EFEMP2: variants seen among roughly 807,000 people sequenced by gnomAD.
EFEMP2 encodes EGF-containing fibulin-like extracellular matrix protein 2.
In EFEMP2, 21 loss-of-function variants were observed where a neutral mutation model predicts 55.3. That is an observed-to-expected ratio of 0.38 (90% CI 0.27 to 0.55). The LOEUF (loss-of-function observed/expected upper bound fraction) is 0.55. Ranked by LOEUF, EFEMP2 falls within the 20% of genes least tolerant of loss-of-function variation. EFEMP2 has a pLI of 0.77. For missense variants in EFEMP2, 513 were observed against 615.1 expected (o/e 0.83, Z 1.76); for synonymous variants, 275 against 242.3 (o/e 1.14, Z -1.25).
intron 2 of EFEMP2, 21 bp downstream of exon 2, chr11:65,872,223 A>C: frequency 6.5e-7 from 1 of 1,546,034 alleles, no homozygotes; most frequent in Non-Finnish European, 8.8e-7. Context: ...GTCCCAGGCC[A>C]GCGGCCCTCA....
rs1306807998 is a variant in EFEMP2 at position 65,870,581 on chromosome 11, A to G, written c.445T>C (p.Cys149Arg). ...DCHNLPGSYQ[C>R]TCPDGYRKIG... The stretch of plus-strand genomic sequence containing the variant: ...TTGCGGTAACCATCAGGGCAGGTGC[A>G]CTGATAGGAGCCAGGCAAGTTATGG... Residue 149 changes from cysteine (C) to arginine (R), a missense_variant, in exon 5 of 11, where the codon TGC becomes CGC. Cys to Arg is a radical substitution (Grantham distance 180). Transcript: ENST00000307998. 6.2e-7 allele frequency: 1 copy of G among 1,614,096 alleles called. No individual in the cohort carries two copies. The highest frequency in any genetic ancestry group is 8.5e-7 in the Non-Finnish European group (1 of 1,179,982).
chr11:65,867,660 T>A lies in EFEMP2; in HGVS notation c.1170+201A>T, dbSNP rs1859878446. 1.1e-5 allele frequency: 7 copies of A among 642,260 alleles called. No homozygotes were observed. In the South Asian group the frequency reaches 1.2e-4, roughly 11 times the overall value. The allele number at this position is 642,260 out of a possible 1,614,324, so 39.8% of individuals were successfully genotyped here. A position where few individuals can be genotyped will look rare whatever the true frequency, so the allele number is the denominator to read the frequency against. ...ACCAGTACCAGGACTCAAACTCCCG[T>A]GTCCGAGTGCTTCGTTAGAATTGCA... On this transcript the variant is annotated intron_variant, in intron 10 of 10. Coordinates refer to ENST00000307998, the MANE Select transcript of EFEMP2 (RefSeq NM_016938.5).
chr11:65,869,605 T>A lies in EFEMP2; in HGVS notation c.727+252A>T, dbSNP rs570387. Reference sequence around the variant, plus strand: ...CAGGTAAATGCAGGTGAGCCTGATATGTGGGACAGGTGGCACCCACATCCT... The same window carrying A: ...CAGGTAAATGCAGGTGAGCCTGATAAGTGGGACAGGTGGCACCCACATCCT... On this transcript the variant is annotated intron_variant, in intron 7 of 10. Coordinates refer to ENST00000307998, the MANE Select transcript of EFEMP2 (RefSeq NM_016938.5). 8.0e-5 allele frequency: 44 copies of A among 546,712 alleles called. No individual in the cohort carries two copies. The East Asian group carries it at 1.2e-3, about 15-fold the overall frequency. 33.9% of individuals were successfully genotyped at this position (546,712 alleles called of 1,614,324 possible). A position where few individuals can be genotyped will look rare whatever the true frequency, so the allele number is the denominator to read the frequency against.
At chr11:65,868,464 C>T (rs1859903876) in intron 8 of EFEMP2, 43 bp from the exon 9 acceptor site, 2 of 1,613,690 alleles carry the variant, frequency 1.2e-6, no homozygotes, top group Non-Finnish European at 1.7e-6. Flanking sequence ...CGTCAGGCTG[C>T]CAGCTCCTGA....
chr11:65,866,728 C>A lies in EFEMP2; in HGVS notation c.*190G>T, dbSNP rs951322003. 5.3e-6 allele frequency: 4 copies of A among 757,520 alleles called. No homozygotes were observed. The highest frequency in any genetic ancestry group is 2.9e-5 in the South Asian group (2 of 68,674). The allele number at this position is 757,520 out of a possible 1,614,324, so 46.9% of individuals were successfully genotyped here. On this transcript the variant is annotated 3_prime_UTR_variant, in exon 11 of 11. Coordinates refer to ENST00000307998, the MANE Select transcript of EFEMP2 (RefSeq NM_016938.5). ...GCCCCTGGGCCTGAACATATAGAGA[C>A]CCCCATTTAGGTGAACTTGGCCTGC...
Position 65,868,356 on chromosome 11 carries a change from C to T in EFEMP2, c.913G>A (p.Gly305Arg). ...SEAQTCVNFH[G>R]GYRCVDTNRC... ...TTGGTGTCCACGCAGCGGTAGCCCCCATGGAAGTTGACACAGGTTTGGGCC... is the reference window on the plus strand; with the variant it reads ...TTGGTGTCCACGCAGCGGTAGCCCCTATGGAAGTTGACACAGGTTTGGGCC... The change falls in exon 9 of 11, where the codon GGG (glycine) becomes AGG (arginine). Residue 305 changes from glycine to arginine, a missense_variant. Transcript: ENST00000307998. 1 of 1,613,888 alleles carries T rather than the reference C, an allele frequency of 6.2e-7. No homozygotes were observed. Among genetic ancestry groups the T allele is most frequent in the Non-Finnish European group, 8.5e-7 (1 of 1,180,022 alleles).
chr11:65,868,648 G>A lies in EFEMP2; in HGVS notation c.728-19C>T, dbSNP rs1285918668. The A allele has an allele frequency of 2.5e-6, 4 of 1,613,536 alleles. No homozygotes were observed. The highest frequency in any genetic ancestry group is 2.5e-6 in the Non-Finnish European group (3 of 1,180,026). The stretch of plus-strand genomic sequence containing the variant: ...TCAATATCTGAGGAAGCATGGGGAT[G>A]GGGACCCCGGGTCAAGGGCATTCCT... On this transcript the variant is annotated intron_variant, in intron 7 of 10. Transcript: ENST00000307998.
chr11:65,869,163 T>G, intron 7 of EFEMP2: 1 of 217,848 alleles, frequency 4.6e-6, no homozygotes, highest in African/African-American at 2.3e-5. Context: ...TTACAGGGTG[T>G]AAGAAGTCTG....
chr11:65,870,494 G>A lies in EFEMP2; in HGVS notation c.490+42C>T, dbSNP rs200069197. On this transcript the variant is annotated intron_variant, in intron 5 of 10. Coordinates refer to ENST00000307998, the MANE Select transcript of EFEMP2 (RefSeq NM_016938.5). ...GGTGCTAGGGCAAGGGCCAGACCAG[G>A]GACACAAAGCCGGGACTACAGAAGC... is the stretch of plus-strand genomic sequence containing the variant. 7 of 1,612,696 alleles carry A rather than the reference G, an allele frequency of 4.3e-6. No individual in the cohort carries two copies. The East Asian group carries it at 1.3e-4, about 31-fold the overall frequency.
chr11:65,869,836 C>G (rs1403132958), intron 7 of EFEMP2, 21 bp downstream of exon 7: 4 of 1,613,500 alleles, frequency 2.5e-6, no homozygotes, highest in Non-Finnish European at 3.4e-6. Context: ...GAGGAGTACA[C>G]AGCAGGGATG....
intron 4 of EFEMP2, 47 bp from the exon 5 acceptor site, chr11:65,870,705 C>T (rs1468858559): frequency 6.2e-7 from 1 of 1,613,046 alleles, no homozygotes; most frequent in South Asian, 1.1e-5. Flanking sequence ...CGCACACCAC[C>T]CAACATGACA....
At chr11:65,867,802 G>A in intron 10 of EFEMP2, 59 bp downstream of exon 10, 1 of 1,590,732 alleles carries the variant, frequency 6.3e-7, no homozygotes, top group South Asian at 1.1e-5. Flanking sequence ...TCCCCCTTAA[G>A]GCGTCCTGGA....
At position 65,870,296 on chromosome 11, in the gene EFEMP2, C is replaced by T. The variant is rs1053118642; in HGVS notation, c.491-59G>A. ...GCAGAGGGCAGAGGGCAGGTGGGCT[C>T]GAGCCGGCTGGGACTCAAGGCTTCA... On this transcript the variant is annotated intron_variant, in intron 5 of 10. Transcript: ENST00000307998. 6.7e-5 allele frequency: 104 copies of T among 1,557,144 alleles called. No homozygotes were observed. In the Middle Eastern group the frequency reaches 1.9e-3, roughly 28 times the overall value.
rs367928701 is a variant in EFEMP2 at position 65,872,301 on chromosome 11, T to C, written c.54A>G (p.Leu18=). 6.4e-6 allele frequency: 10 copies of C among 1,551,512 alleles called. No individual in the cohort carries two copies. The African/African-American group carries it at 1.2e-4, about 19-fold the overall frequency. The change falls in exon 2 of 11, where the codon CTA becomes CTG. Residue 18 remains leucine (L), a synonymous_variant. Transcript: ENST00000307998. ...LPGSLLLWAL[L]LLLLGSASPQ... is the part of the protein sequence containing the mutation. ...GAGAAGCTGATCCCAAGAGCAACAG[T>C]AGCAGCGCCCAGAGCAGTAGAGACC...
chr11:65,866,740 T>C lies in EFEMP2; in HGVS notation c.*178A>G, dbSNP rs966744584. 2.5e-6 allele frequency: 2 copies of C among 804,768 alleles called. No homozygotes were observed. The highest frequency in any genetic ancestry group is 4.2e-6 in the Non-Finnish European group (2 of 476,502). The allele number at this position is 804,768 out of a possible 1,614,324, so 49.9% of individuals were successfully genotyped here. The stretch of plus-strand genomic sequence containing the variant: ...GAACATATAGAGACCCCCATTTAGG[T>C]GAACTTGGCCTGCCCCCCCAAGTGC... On this transcript the variant is annotated 3_prime_UTR_variant, in exon 11 of 11. Coordinates refer to ENST00000307998, the MANE Select transcript of EFEMP2 (RefSeq NM_016938.5).
rs1436359315 is a variant in EFEMP2 at position 65,872,348 on chromosome 11, G to A, written c.7C>T (p.Pro3Ser). ...GACCCGGGTAGGCAGGAGGCGCAGG[G>A]GAGCATCCTGGGGCTGCGAGATGGT... ML[P>S]CASCLPGSLL... Residue 3 changes from proline to serine, a missense_variant, in exon 2 of 11, where the codon CCC (proline) becomes TCC (serine). Coordinates refer to ENST00000307998, the MANE Select transcript of EFEMP2 (RefSeq NM_016938.5). 21 of 1,550,334 alleles carry A rather than the reference G, an allele frequency of 1.4e-5. No individual in the cohort carries two copies. Among genetic ancestry groups the A allele is most frequent in the Non-Finnish European group, 1.7e-5 (19 of 1,146,028 alleles).
chr11:65,869,572 T>C (rs1423807692), intron 7 of EFEMP2: 1 of 468,952 alleles, frequency 2.1e-6, no homozygotes, highest in Non-Finnish European at 4.0e-6. Context: ...TAGTGCAAAA[T>C]TCAAATGCAG....
chr11:65,867,852 A>G lies in EFEMP2; in HGVS notation c.1170+9T>C. 2 of 1,613,916 alleles carry G rather than the reference A, an allele frequency of 1.2e-6. No individual in the cohort carries two copies. The highest frequency in any genetic ancestry group is 1.7e-6 in the Non-Finnish European group (2 of 1,179,894). On this transcript the variant is annotated intron_variant, in intron 10 of 10. Coordinates refer to ENST00000307998, the MANE Select transcript of EFEMP2 (RefSeq NM_016938.5). ...TGTGCATGTCAGTTGAGGGTTGCAGAAACCTTACCCTAATGTAAAAGTCCC... is the reference window on the plus strand; with the variant it reads ...TGTGCATGTCAGTTGAGGGTTGCAGGAACCTTACCCTAATGTAAAAGTCCC...
intron 1 of EFEMP2, 47 bp downstream of exon 1, chr11:65,872,636 G>A (rs537332916): frequency 1.0e-5 from 3 of 291,650 alleles, no homozygotes; most frequent in African/African-American, 4.6e-5. Flanking sequence ...GGACTCGGCC[G>A]AGACTCCGGC....
Sources: gnomAD v4.1 joint callset for allele counts on GRCh38, gnomAD v4.1.1 for gene constraint, MANE v1.5 for transcripts, NCBI Gene and HGNC (gene_info 2026-07-23, HGNC 2026-07-21) for gene names.